PCM1: variants seen among roughly 807,000 people sequenced by gnomAD.
PCM1 encodes the protein pericentriolar material 1 protein.
In PCM1, 157 loss-of-function variants were observed where a neutral mutation model predicts 241.9. The observed-to-expected ratio is 0.65, with a 90% CI of 0.57 to 0.74. PCM1 has a LOEUF of 0.74. Ranked by LOEUF, PCM1 falls within the 30% of genes least tolerant of loss-of-function variation. The pLI is 0.00. For synonymous variants in PCM1, 1,085 were observed against 784.9 expected, an observed-to-expected ratio of 1.38 and a Z score of -6.39; for missense variants, 3,478 against 2,360.1, an observed-to-expected ratio of 1.47 and a Z score of -9.81.
chr8:17,936,252 A>C (rs904386162), intron 3 of PCM1, among the ~76,000 whole-genome samples: 7 of 152,032 alleles, frequency 4.6e-5, no homozygotes, highest in Non-Finnish European at 1.0e-4. Flanking sequence ...TTCTGTGGCG[A>C]GGGTGGGGTG....
chr8:17,944,008 G>T, intron 6 of PCM1, among the ~76,000 whole-genome samples: 1 of 152,120 alleles, frequency 6.6e-6, no homozygotes, highest in South Asian at 2.1e-4. Flanking sequence ...TCTTGTATAA[G>T]ATGTCAGAAG....
chr8:17,968,636 A>G (rs142939233), intron 21 of PCM1, among the ~76,000 whole-genome samples: 1 of 152,102 alleles, frequency 6.6e-6, no homozygotes, highest in Admixed American at 6.6e-5. Context: ...GTGAATATAT[A>G]TATATATAAT....
chr8:17,930,603 G>A (rs868151857), intron 2 of PCM1, among the ~76,000 whole-genome samples: 2 of 151,946 alleles, frequency 1.3e-5, no homozygotes, highest in African/African-American at 2.4e-5. Flanking sequence ...ATGTGGCCGG[G>A]TGCGGTGGCT....
chr8:18,022,480 C>A (rs2093834325), intron 36 of PCM1, among the ~76,000 whole-genome samples: 1 of 152,212 alleles, frequency 6.6e-6, no homozygotes, highest in Non-Finnish European at 1.5e-5. Flanking sequence ...GAAATCTACT[C>A]CCACACACAC....
rs1451838446 is a variant in PCM1, at chr8:17,962,085, G to A, written c.2374G>A (p.Val792Ile). ...NCPTKKYMPAVTSTPTVNQHE... is the reference protein window; with the variant it reads ...NCPTKKYMPAITSTPTVNQHE... ...TCCCACCAAAAAATATATGCCAGCT[G>A]TTACTTCAACCCCAACTGTTAATCA... Residue 792 changes from valine to isoleucine, a missense_variant, in exon 16 of 39, where the codon GTT (valine) becomes ATT (isoleucine). Coordinates refer to ENST00000325083, the MANE Select transcript of PCM1 (RefSeq NM_006197.4). The A allele has an allele frequency of 1.9e-6, 3 of 1,611,802 alleles. No individual in the cohort carries two copies. The highest frequency in any genetic ancestry group is 3.3e-5 in the Admixed American group (2 of 59,816).
chr8:18,013,886 A>G (rs2092820183), intron 34 of PCM1, 78 bp from the exon 35 acceptor site: 1 of 829,202 alleles, frequency 1.2e-6, no homozygotes, highest in Non-Finnish European at 1.9e-6. Flanking sequence ...GTTGGACAAA[A>G]ACTACACACT....
At chr8:18,007,735 A>G (rs1356468556) in intron 30 of PCM1, among the ~76,000 whole-genome samples, 1 of 152,178 alleles carries the variant, frequency 6.6e-6, no homozygotes, top group Non-Finnish European at 1.5e-5. Context: ...TTAAATTACC[A>G]TCTTCTACAT....
rs1430536874 is a variant in PCM1, at chr8:17,983,196, A to G, written c.4109-2251A>G. 9 of 1,198,110 alleles carry G rather than the reference A, an allele frequency of 7.5e-6. No individual in the cohort carries two copies. In the East Asian group the frequency reaches 1.3e-4, roughly 17 times the overall value. 74.2% of individuals were successfully genotyped at this position (1,198,110 alleles called of 1,614,324 possible). A position where few individuals can be genotyped will look rare whatever the true frequency, so the allele number is the denominator to read the frequency against. ...GACCCTGTCTTTACTACTCATACAC[A>G]TTTTATGTTCATCCTTATGTCTGCC... On this transcript the variant is annotated intron_variant, in intron 24 of 38. Coordinates refer to ENST00000325083, the MANE Select transcript of PCM1 (RefSeq NM_006197.4).
At chr8:18,023,186 G>A (rs995190068) in intron 36 of PCM1, among the ~76,000 whole-genome samples, 1 of 152,020 alleles carries the variant, frequency 6.6e-6, no homozygotes, top group African/African-American at 2.4e-5. Flanking sequence ...TCACCTATAT[G>A]GTCTGGACAC....
At chr8:17,924,084 C>G (rs1234143496) in intron 1 of PCM1, among the ~76,000 whole-genome samples, 1 of 151,840 alleles carries the variant, frequency 6.6e-6, no homozygotes, top group African/African-American at 2.4e-5. Context: ...AAGGAGCGGG[C>G]TTTCTGGGCG....
chr8:17,928,101 C>G (rs1303984676), intron 2 of PCM1: 1 of 152,162 alleles, frequency 6.6e-6, no homozygotes, highest in South Asian at 2.1e-4. Flanking sequence ...GTACTGTCAT[C>G]AATCACTTCT....
At chr8:18,019,534 C>G (rs563095618) in intron 36 of PCM1, among the ~76,000 whole-genome samples, 1 of 152,250 alleles carries the variant, frequency 6.6e-6, no homozygotes, top group Admixed American at 6.5e-5. Flanking sequence ...CTTCCTGAAA[C>G]TAGATGGTCA....
chr8:18,013,880 G>C, intron 34 of PCM1, 84 bp from the exon 35 acceptor site: 1 of 786,118 alleles, frequency 1.3e-6, no homozygotes. Context: ...TCTTGGGTTG[G>C]ACAAAAACTA....
chr8:17,977,962 G>A (rs2079337650), intron 23 of PCM1, among the ~76,000 whole-genome samples: 1 of 151,996 alleles, frequency 6.6e-6, no homozygotes, highest in Non-Finnish European at 1.5e-5. Context: ...TAGTTACCAG[G>A]GAGAAAACAG....
intron 22 of PCM1, among the ~76,000 whole-genome samples, chr8:17,970,424 A>G (rs1005655772): frequency 6.8e-6 from 1 of 146,084 alleles, no homozygotes; most frequent in African/African-American, 2.6e-5. Context: ...CTGAGTCATT[A>G]ACTGGGATTT....
At chr8:17,979,459 G>A (rs1020913802) in intron 23 of PCM1, among the ~76,000 whole-genome samples, 26 of 152,154 alleles carry the variant, frequency 1.7e-4, no homozygotes, top group Non-Finnish European at 3.7e-4. Flanking sequence ...GCTGGTTATG[G>A]AATAAGTGTG....
chr8:17,955,477 A>G lies in PCM1; in HGVS notation c.1296A>G (p.Pro432=), dbSNP rs376618664. ...TTGTTGTGCCTTCTTCAGCCTCTCC[A>G]CAAAGGAGTGTCGATCAGAGAAGTA... is the stretch of plus-strand genomic sequence containing the variant. The part of the protein sequence containing the change: ...DQHLNNSSSS[P]QRSVDQRSTS... The change falls in exon 10 of 39, where the codon CCA becomes CCG. Residue 432 remains proline (P), a synonymous_variant. Coordinates refer to ENST00000325083, the MANE Select transcript of PCM1 (RefSeq NM_006197.4). 3.1e-6 allele frequency: 5 copies of G among 1,603,788 alleles called. No homozygotes were observed. The African/African-American group carries it at 6.7e-5, about 22-fold the overall frequency.
chr8:17,947,153 T>G (rs2064146205), intron 6 of PCM1, 33 bp from the exon 7 acceptor site: 9 of 1,413,402 alleles, frequency 6.4e-6, no homozygotes, highest in Non-Finnish European at 8.7e-6. Flanking sequence ...ATTTTAATAG[T>G]CAGATACAAG....
Position 18,010,667 on chromosome 8 carries a change from A to C in PCM1, c.5219A>C (p.Lys1740Thr). 1 of 1,595,832 alleles carries C rather than the reference A, an allele frequency of 6.3e-7. No homozygotes were observed. Among genetic ancestry groups the C allele is most frequent in the Admixed American group, 1.7e-5 (1 of 57,820 alleles). The change falls in exon 32 of 39, where the codon AAA (lysine) becomes ACA (threonine). Residue 1740 changes from lysine to threonine, a missense_variant and splice_region_variant. Physicochemically the swap from Lys to Thr is moderately conservative, Grantham distance 78. Transcript: ENST00000325083. ...SPAGEIDDED[K>T]DKDETETVKQ... ...GCTGGAGAGATTGATGATGAAGACA[A>C]AGTATGTGCTAATTAATTTTTGCCT...
Sources: gnomAD v4.1 joint callset for allele counts (sites outside exome capture counted in the v4.1 genomes callset) on GRCh38, gnomAD v4.1.1 for gene constraint, MANE v1.5 for transcripts, NCBI Gene and HGNC (gene_info 2026-07-23, HGNC 2026-07-21) for gene names.